Variants in FN1 observed in about 807,000 individuals in gnomAD.
FN1 encodes the protein fibronectin.
A neutral mutation model predicts 297.3 loss-of-function variants in FN1; 106 were observed. The ratio of observed to expected loss-of-function variants is 0.36; its 90% CI spans 0.30 to 0.42. The LOEUF is 0.42. Among genes scored for constraint, FN1 ranks in the 10% least tolerant of loss-of-function variants. The pLI is 1.00. For synonymous variants in FN1, 1,149 were observed against 1,152.6 expected (o/e 1.00, Z 0.06); for missense variants, 2,690 against 3,124.9 (o/e 0.86, Z 3.32).
Position 215,394,636 on chromosome 2 carries a change from T to C in FN1, c.3688A>G (p.Ser1230Gly). Reference sequence around the variant, plus strand: ...CTCAGGTTATCAAAAGTGCAGGAGCTCTGATCAGCATGGACCACTTCTTCC... The same window carrying C: ...CTCAGGTTATCAAAAGTGCAGGAGCCCTGATCAGCATGGACCACTTCTTCC... ...SLEEVVHADQSSCTFDNLSPG... is the reference protein window; with the variant it reads ...SLEEVVHADQGSCTFDNLSPG... The change falls in exon 24 of 46, where the codon AGC becomes GGC. Residue 1230 changes from serine to glycine, a missense_variant. This residue lies in a region of FN1 where 1,743 missense variants were observed against 1,945.2 expected (regional missense o/e 0.90). Transcript: ENST00000354785. 1 of 1,614,124 alleles carries C rather than the reference T, an allele frequency of 6.2e-7. No homozygotes were observed. Among genetic ancestry groups the C allele is most frequent in the Non-Finnish European group, 8.5e-7 (1 of 1,179,984 alleles).
chr2:215,407,108 GTCT>G lies in FN1; in HGVS notation c.2713+16_2713+18del. The G allele has an allele frequency of 6.3e-7, 1 of 1,584,666 alleles. No homozygotes were observed. Among genetic ancestry groups the G allele is most frequent in the Non-Finnish European group, 8.7e-7 (1 of 1,153,680 alleles). ...ATCCTGATAAGATAACATAGGAAGT[GTCT>G]TCTTAAAAAAGTTACCTGAGCGTGG... On this transcript the variant is annotated intron_variant, in intron 18 of 45. Transcript: ENST00000354785.
At chr2:215,379,551 G>A (rs1159061553) in intron 33 of FN1, 2 of 468,270 alleles carry the variant, frequency 4.3e-6, no homozygotes, top group Non-Finnish European at 7.6e-6. Flanking sequence ...AAACATTTGG[G>A]TAAATGCCAA....
chr2:215,420,491 G>A (rs748560009), intron 11 of FN1, among the ~76,000 whole-genome samples, 182 bp downstream of exon 11: 11 of 152,002 alleles, frequency 7.2e-5, no homozygotes, highest in Admixed American at 2.0e-4. Context: ...AAAACCAGAC[G>A]ACTACCAATA....
rs533318636 is a variant in FN1, at chr2:215,361,486, T to G, written c.*69A>C. ...AAGAAGAACTCTAAGCTGGGTCTGC[T>G]AACATCACTCCAGTTTAGATGGATC... On this transcript the variant is annotated 3_prime_UTR_variant, in exon 46 of 46. Coordinates refer to ENST00000354785, the MANE Select transcript of FN1 (RefSeq NM_212482.4). The G allele has an allele frequency of 8.7e-5, 97 of 1,118,674 alleles. No homozygotes were observed. The African/African-American group carries it at 1.3e-3, about 15-fold the overall frequency. 69.3% of individuals were successfully genotyped at this position (1,118,674 alleles called of 1,614,324 possible).
At chr2:215,386,643 T>C (rs780837201) in intron 28 of FN1, 46 bp downstream of exon 28, 3 of 1,467,150 alleles carry the variant, frequency 2.0e-6, no homozygotes, top group African/African-American at 3.1e-5. Flanking sequence ...ATCTACCAAC[T>C]GGGTAGGAAA....
chr2:215,429,451 A>G (rs1313637936), intron 5 of FN1, among the ~76,000 whole-genome samples: 1 of 152,188 alleles, frequency 6.6e-6, no homozygotes, highest in Non-Finnish European at 1.5e-5. Flanking sequence ...TGAATTGGAT[A>G]TTGTTGCAAC....
chr2:215,367,641 T>G, intron 42 of FN1: 1 of 576,750 alleles, frequency 1.7e-6, no homozygotes, highest in Non-Finnish European at 3.1e-6. Flanking sequence ...AATTAATAGT[T>G]GTATTGGCAT....
At position 215,430,862 on chromosome 2, in the gene FN1, A is replaced by G. The variant is rs1407477861; in HGVS notation, c.548-10T>C. ...TCAAAACACTTCTCAGCTGTAGGGA[A>G]ATTTGGAAGAAAAACAGGAAAAAAA... On this transcript the variant is annotated splice_polypyrimidine_tract_variant and intron_variant, in intron 4 of 45. Transcript: ENST00000354785. 3.1e-6 allele frequency: 5 copies of G among 1,613,720 alleles called. No homozygotes were observed. In the African/African-American group the frequency reaches 5.3e-5, roughly 17 times the overall value.
chr2:215,423,756 C>G (rs555994946), intron 8 of FN1, among the ~76,000 whole-genome samples: 3 of 152,174 alleles, frequency 2.0e-5, no homozygotes, highest in African/African-American at 4.8e-5. Flanking sequence ...AGCACCCCCC[C>G]CACAAAAGAT....
At chr2:215,395,091 T>TC (rs2060161602) in intron 23 of FN1, among the ~76,000 whole-genome samples, 2 of 152,258 alleles carry the variant, frequency 1.3e-5, no homozygotes, top group Admixed American at 1.3e-4. Context: ...ACCCTGCTTT[T>TC]CCTTAATGAA....
intron 13 of FN1, among the ~76,000 whole-genome samples, chr2:215,414,126 G>T (rs2063092669): frequency 6.6e-6 from 1 of 152,114 alleles, no homozygotes; most frequent in Non-Finnish European, 1.5e-5. Context: ...TTTCTCCTGT[G>T]TTTAAAACAG....
chr2:215,372,962 G>A (rs894127665), intron 39 of FN1, among the ~76,000 whole-genome samples: 14 of 152,140 alleles, frequency 9.2e-5, no homozygotes, highest in African/African-American at 3.1e-4. Context: ...AAAGATAAAT[G>A]TGAGAGGTTT....
At chr2:215,379,490 A>C (rs920695260) in intron 33 of FN1, 173 bp from the exon 34 acceptor site, 2 of 616,742 alleles carry the variant, frequency 3.2e-6, no homozygotes, top group South Asian at 1.9e-5. Context: ...AAATGAAGAA[A>C]GTGTTTGCTG....
intron 6 of FN1, among the ~76,000 whole-genome samples, chr2:215,427,769 G>C (rs971170500): frequency 3.3e-5 from 5 of 151,982 alleles, no homozygotes; most frequent in African/African-American, 1.2e-4. Context: ...CACTTTTTTT[G>C]TCCTTTCCTA....
Position 215,391,760 on chromosome 2 carries a change from C to A in FN1, c.4124G>T (p.Arg1375Leu), listed in dbSNP as rs1390228361. 1.9e-6 allele frequency: 3 copies of A among 1,613,994 alleles called. No individual in the cohort carries two copies. The highest frequency in any genetic ancestry group is 2.2e-5 in the South Asian group (2 of 91,078). The change falls in exon 26 of 46, where the codon CGT (arginine) becomes CTT (leucine). Residue 1375 changes from arginine (R) to leucine (L), a missense_variant. This residue lies in a region of FN1 where 1,743 missense variants were observed against 1,945.2 expected (regional missense o/e 0.90). Transcript: ENST00000354785. ...RFTNIGPDTM[R>L]VTWAPPPSID... ...GGATGGGGGTGGAGCCCAGGTGACA[C>A]GCATGGTGTCTGGACCAATGTTGGT...
chr2:215,404,305 T>TG, intron 20 of FN1, 84 bp downstream of exon 20: 1 of 1,324,308 alleles, frequency 7.6e-7, no homozygotes. Flanking sequence ...TAATGTTTTT[T>TG]TTGTTTTGTT....
intron 13 of FN1, among the ~76,000 whole-genome samples, chr2:215,412,199 T>G (rs1385593799): frequency 6.6e-6 from 1 of 151,840 alleles, no homozygotes; most frequent in Non-Finnish European, 1.5e-5. Flanking sequence ...TTCTTTTTTT[T>G]TTTTTCATTC....
rs964578514 is a variant in FN1 at position 215,381,482 on chromosome 2, G to GT, written c.5165-403dup. On this transcript the variant is annotated intron_variant, in intron 32 of 45. Coordinates refer to ENST00000354785, the MANE Select transcript of FN1 (RefSeq NM_212482.4). ...CAAATTGTTATAATTGTTTTGTTTT[G>GT]TTTTTTTTTGAGATGGAGTCTCACT... is the stretch of plus-strand genomic sequence containing the variant. The GT allele has an allele frequency of 4.1e-3, 1,224 of 302,146 alleles. 4 individuals are homozygous for GT. Among genetic ancestry groups the GT allele is most frequent in the African/African-American group, 0.015 (682 of 44,316 alleles). The allele number at this position is 302,146 out of a possible 1,614,324, so 18.7% of individuals were successfully genotyped here.
Position 215,391,761 on chromosome 2 carries a change from G to T in FN1, c.4123C>A (p.Arg1375Ser). 6.2e-7 allele frequency: 1 copy of T among 1,614,096 alleles called. No homozygotes were observed. The highest frequency in any genetic ancestry group is 8.5e-7 in the Non-Finnish European group (1 of 1,179,960). ...RFTNIGPDTM[R>S]VTWAPPPSID... Reference sequence around the variant, plus strand: ...GATGGGGGTGGAGCCCAGGTGACACGCATGGTGTCTGGACCAATGTTGGTG... The same window carrying T: ...GATGGGGGTGGAGCCCAGGTGACACTCATGGTGTCTGGACCAATGTTGGTG... The change falls in exon 26 of 46, where the codon CGT (arginine) becomes AGT (serine). Residue 1375 changes from arginine (R) to serine (S), a missense_variant. Arg to Ser is a moderately radical substitution (Grantham distance 110, BLOSUM62 -1). This residue lies in a region of FN1 where 1,743 missense variants were observed against 1,945.2 expected (regional missense o/e 0.90). Transcript: ENST00000354785.
Sources: gnomAD v4.1 joint callset for allele counts (sites outside exome capture counted in the v4.1 genomes callset) on GRCh38, gnomAD v4.1.1 for gene constraint, gnomAD v4.1.1 regional missense constraint, MANE v1.5 for transcripts, NCBI Gene and HGNC (gene_info 2026-07-23, HGNC 2026-07-21) for gene names.